The following PRKG1 variants were observed in gnomAD, a reference collection of about 807,000 sequenced individuals.
PRKG1 encodes the protein protein kinase cGMP-dependent 1, also known as cGMP-dependent protein kinase 1.
PRKG1 carries 35 observed loss-of-function variants against 88.1 expected under a neutral mutation model. The ratio of observed to expected loss-of-function variants is 0.40; its 90% CI spans 0.30 to 0.53. PRKG1 has a LOEUF of 0.53. PRKG1 is among the 20% of genes least tolerant of loss of function. The pLI, the probability that PRKG1 is intolerant of heterozygous loss-of-function variation, is 0.59. For synonymous variants in PRKG1, 303 were observed against 292.5 expected, an observed-to-expected ratio of 1.04 and a Z score of -0.37; for missense variants, 540 against 839.8, an observed-to-expected ratio of 0.64 and a Z score of 4.41.
intron 3 of PRKG1, among the ~76,000 whole-genome samples, chr10:51,733,797 A>G (rs1837185440): frequency 6.6e-6 from 1 of 152,168 alleles, no homozygotes. Context: ...CAATTGTCGC[A>G]ATGAATATTT....
intron 3 of PRKG1, among the ~76,000 whole-genome samples, chr10:51,656,144 T>G (rs1309373054): frequency 6.6e-6 from 1 of 152,164 alleles, no homozygotes; most frequent in East Asian, 1.9e-4. Flanking sequence ...TTATACAACT[T>G]TTTCAACCAC....
At chr10:51,553,082 C>T (rs945479988) in intron 3 of PRKG1, among the ~76,000 whole-genome samples, 1 of 151,558 alleles carries the variant, frequency 6.6e-6, no homozygotes, top group Non-Finnish European at 1.5e-5. Context: ...TCATATAATA[C>T]CAGATTATTT....
intron 1 of PRKG1, among the ~76,000 whole-genome samples, chr10:51,085,720 C>T (rs1157428812): frequency 6.6e-6 from 1 of 151,722 alleles, no homozygotes; most frequent in African/African-American, 2.4e-5. Flanking sequence ...CTTTTTACCC[C>T]GTAGTGTATG....
At chr10:52,036,387 C>T (rs1361319460) in intron 5 of PRKG1, among the ~76,000 whole-genome samples, 1 of 150,678 alleles carries the variant, frequency 6.6e-6, no homozygotes, top group African/African-American at 2.4e-5. Context: ...TAAGGCTCGT[C>T]CGGTTTTAGG....
intron 2 of PRKG1, among the ~76,000 whole-genome samples, chr10:51,456,038 A>G (rs140720813): frequency 1.7e-3 from 253 of 152,332 alleles, no homozygotes; most frequent in Non-Finnish European, 3.4e-3. Context: ...TATAAAGAAA[A>G]GAGGTTTAAT....
chr10:51,800,261 T>C (rs1839131577), intron 3 of PRKG1, among the ~76,000 whole-genome samples: 1 of 152,118 alleles, frequency 6.6e-6, no homozygotes, highest in Non-Finnish European at 1.5e-5. Flanking sequence ...TGGAGCTCCA[T>C]AGATGCCAGA....
At chr10:51,181,437 T>C (rs964094067) in intron 2 of PRKG1, among the ~76,000 whole-genome samples, 1 of 150,136 alleles carries the variant, frequency 6.7e-6, no homozygotes, top group Admixed American at 6.6e-5. Context: ...GAGACGGGGT[T>C]TCACCTTGTT....
At chr10:52,117,354 G>C (rs777348284) in intron 7 of PRKG1, among the ~76,000 whole-genome samples, 1 of 152,074 alleles carries the variant, frequency 6.6e-6, no homozygotes, top group Admixed American at 6.6e-5. Flanking sequence ...AGGCAATGCT[G>C]TAAGTGACAC....
rs1488248180 is a variant in PRKG1, at chr10:52,256,188, T to G, written c.1173+4522T>G. Among the ~76,000 whole-genome samples the G allele has an allele frequency of 5.7e-5, 8 of 139,796 alleles. 3 individuals carry two copies. In the East Asian group the frequency reaches 1.6e-3, roughly 29 times the overall value. 91.7% of individuals were successfully genotyped at this position (139,796 alleles called of 152,430 possible). The stretch of plus-strand genomic sequence containing the variant: ...AAACAAGTGTTACTTCATTGTTATA[T>G]GTACACCTTTGCTTTAAAAAAATTC... On this transcript the variant is annotated intron_variant, in intron 10 of 17. Coordinates refer to ENST00000373980, the MANE Select transcript of PRKG1 (RefSeq NM_006258.4).
intron 8 of PRKG1, among the ~76,000 whole-genome samples, chr10:52,153,657 G>A (rs1838003759): frequency 1.3e-5 from 2 of 152,192 alleles, no homozygotes; most frequent in African/African-American, 4.8e-5. Flanking sequence ...AGAGAAACCA[G>A]TCTCACAGAG....
intron 1 of PRKG1, among the ~76,000 whole-genome samples, chr10:51,077,909 C>A (rs1042029143): frequency 1.3e-5 from 2 of 152,154 alleles, no homozygotes; most frequent in African/African-American, 4.8e-5. Context: ...CCTAAGCATT[C>A]ATTATGTGAG....
intron 2 of PRKG1, among the ~76,000 whole-genome samples, chr10:51,356,991 C>G (rs1274065487): frequency 6.6e-6 from 1 of 151,958 alleles, no homozygotes; most frequent in Admixed American, 6.6e-5. Flanking sequence ...GGTGGACTCT[C>G]CGTAAGTGGT....
At chr10:52,293,673 A>G (rs1842319840) in intron 17 of PRKG1, 129 bp from the exon 18 acceptor site, 1 of 694,570 alleles carries the variant, frequency 1.4e-6, no homozygotes, top group African/African-American at 1.8e-5. Flanking sequence ...GACCCTCAAT[A>G]CCTGCTACAT....
chr10:51,977,580 C>A (rs912718596), intron 5 of PRKG1, among the ~76,000 whole-genome samples: 1 of 152,038 alleles, frequency 6.6e-6, no homozygotes, highest in Non-Finnish European at 1.5e-5. Context: ...ATTTACATTC[C>A]CACCAACAGT....
intron 1 of PRKG1, among the ~76,000 whole-genome samples, chr10:51,025,451 C>T (rs1843192340): frequency 6.8e-6 from 1 of 146,330 alleles, no homozygotes; most frequent in Non-Finnish European, 1.5e-5. Flanking sequence ...AGAGCTGACT[C>T]TTTCTGCTTT....
chr10:51,356,940 T>C (rs1031192152), intron 2 of PRKG1, among the ~76,000 whole-genome samples: 1 of 151,952 alleles, frequency 6.6e-6, no homozygotes, highest in East Asian at 1.9e-4. Flanking sequence ...GTGTAGGAGC[T>C]CTTATTTTTA....
chr10:51,345,171 AAG>A (rs1842084946), intron 2 of PRKG1, among the ~76,000 whole-genome samples: 1 of 152,180 alleles, frequency 6.6e-6, no homozygotes, highest in Non-Finnish European at 1.5e-5. Flanking sequence ...TTTCAAATAA[AAG>A]AGATATTAAA....
intron 2 of PRKG1, among the ~76,000 whole-genome samples, chr10:51,304,962 G>A (rs1272875781): frequency 6.6e-6 from 1 of 151,910 alleles, no homozygotes; most frequent in Non-Finnish European, 1.5e-5. Flanking sequence ...TTCAACCCAG[G>A]GCCAGAATCA....
At chr10:51,044,106 G>A (rs971797801) in intron 1 of PRKG1, among the ~76,000 whole-genome samples, 6 of 152,174 alleles carry the variant, frequency 3.9e-5, no homozygotes, top group African/African-American at 1.4e-4. Flanking sequence ...TAGTACAGGT[G>A]ACAGACATTA....
Sources: allele counts gnomAD v4.1 joint callset (sites outside exome capture counted in the v4.1 genomes callset), GRCh38; gene constraint gnomAD v4.1.1; transcripts MANE v1.5; gene names NCBI Gene and HGNC (gene_info 2026-07-23, HGNC 2026-07-21).